The following EXOC4 variants were observed in gnomAD, a reference collection of about 807,000 sequenced individuals.
EXOC4 encodes SEC8-like 1.
A neutral mutation model predicts 107.2 loss-of-function variants in EXOC4; 71 were observed. The observed-to-expected ratio is 0.66, with a 90% CI of 0.55 to 0.81. The LOEUF is 0.81. EXOC4 is among the 30% of genes least tolerant of loss of function. The probability of loss-of-function intolerance (pLI) is 0.00; values close to 1 mark genes in which losing one functional copy is unlikely to be tolerated. For missense variants in EXOC4, 1,108 were observed against 1,189.6 expected (o/e 0.93, Z 1.01); for synonymous variants, 456 against 441.2 (o/e 1.03, Z -0.42).
chr7:133,981,542 C>A (rs1793978547), intron 14 of EXOC4, among the ~76,000 whole-genome samples: 1 of 151,856 alleles, frequency 6.6e-6, no homozygotes, highest in Non-Finnish European at 1.5e-5. Context: ...ATGAAAACCA[C>A]AATGAGATAC....
intron 15 of EXOC4, among the ~76,000 whole-genome samples, chr7:133,999,386 T>C (rs1350046547): frequency 6.6e-6 from 1 of 152,200 alleles, no homozygotes; most frequent in Non-Finnish European, 1.5e-5. Flanking sequence ...TACTTCCTTA[T>C]TGCTTGTGAG....
At chr7:133,446,493 G>A (rs546136574) in intron 7 of EXOC4, among the ~76,000 whole-genome samples, 1 of 152,128 alleles carries the variant, frequency 6.6e-6, no homozygotes, top group South Asian at 2.1e-4. Flanking sequence ...AAACATGCCA[G>A]CTTATAACTT....
At chr7:133,971,936 A>G (rs1801249974) in intron 14 of EXOC4, among the ~76,000 whole-genome samples, 1 of 152,114 alleles carries the variant, frequency 6.6e-6, no homozygotes, top group South Asian at 2.1e-4. Context: ...ATCCCTCCTC[A>G]CTTCTTTGAA....
the EXOC4 span, among the ~76,000 whole-genome samples, chr7:134,084,083 A>G: frequency 6.6e-6 from 1 of 152,182 alleles, no homozygotes; most frequent in African/African-American, 2.4e-5. Context: ...GTGAGATGCT[A>G]AGCTGGCTCT....
intron 11 of EXOC4, among the ~76,000 whole-genome samples, chr7:133,821,533 G>A (rs575162017): frequency 1.4e-3 from 208 of 152,154 alleles, no homozygotes; most frequent in African/African-American, 4.5e-3. Context: ...ATAAAAAATT[G>A]GGCCTCATGT....
chr7:133,659,129 C>T (rs1440791855), intron 10 of EXOC4, among the ~76,000 whole-genome samples: 1 of 146,950 alleles, frequency 6.8e-6, no homozygotes, highest in Non-Finnish European at 1.5e-5. Flanking sequence ...TAGTCATTGA[C>T]CATCCATAGG....
intron 11 of EXOC4, among the ~76,000 whole-genome samples, chr7:133,820,458 G>A (rs957590174): frequency 2.0e-5 from 3 of 151,504 alleles, no homozygotes; most frequent in African/African-American, 7.3e-5. Flanking sequence ...TTTTTTCTAT[G>A]TTTCCTTAAT....
chr7:134,047,436 C>G (rs983588625), intron 17 of EXOC4, among the ~76,000 whole-genome samples: 1 of 152,122 alleles, frequency 6.6e-6, no homozygotes, highest in Non-Finnish European at 1.5e-5. Context: ...TCCTACAATG[C>G]CTGATTTTCT....
chr7:133,365,131 C>G (rs1330159092), intron 6 of EXOC4, among the ~76,000 whole-genome samples: 6 of 152,112 alleles, frequency 3.9e-5, no homozygotes, highest in African/African-American at 1.4e-4. Context: ...AATTAGGTCA[C>G]TTGAGAATCA....
chr7:133,580,550 G>A (rs558783768), intron 9 of EXOC4, among the ~76,000 whole-genome samples: 5 of 152,096 alleles, frequency 3.3e-5, no homozygotes, highest in Admixed American at 6.6e-5. Context: ...CAAAAGTTGC[G>A]TATTGTAGAG....
intron 3 of EXOC4, among the ~76,000 whole-genome samples, chr7:133,294,487 C>T (rs1324696405): frequency 1.3e-5 from 2 of 152,092 alleles, no homozygotes; most frequent in African/African-American, 4.8e-5. Context: ...TCTAAGCCTT[C>T]CTGAGATTGT....
chr7:133,290,207 G>A (rs1378943846), intron 3 of EXOC4, among the ~76,000 whole-genome samples: 1 of 152,140 alleles, frequency 6.6e-6, no homozygotes, highest in Non-Finnish European at 1.5e-5. Context: ...ATTAATAATG[G>A]TTGGCCCTTG....
Position 133,805,371 on chromosome 7 carries a change from A to G in EXOC4, c.1515-11954A>G, listed in dbSNP as rs1299559480. On this transcript the variant is annotated intron_variant, in intron 10 of 17. Transcript: ENST00000253861. Reference sequence around the variant, plus strand: ...AGAAAAGGCATGAACTTAAAAAAATACAGAGAGTACATGGAACTCAAAGTT... The same window carrying G: ...AGAAAAGGCATGAACTTAAAAAAATGCAGAGAGTACATGGAACTCAAAGTT... Among the ~76,000 whole-genome samples, 5 of 152,372 alleles carry G rather than the reference A, an allele frequency of 3.3e-5. No individual in the cohort carries two copies. In the South Asian group the frequency reaches 8.3e-4, roughly 25 times the overall value.
intron 5 of EXOC4, among the ~76,000 whole-genome samples, chr7:133,338,922 T>C (rs772961422): frequency 1.3e-4 from 19 of 151,940 alleles, no homozygotes; most frequent in Non-Finnish European, 2.5e-4. Context: ...CTGGCTAATT[T>C]TGTATTTTTA....
intron 5 of EXOC4, among the ~76,000 whole-genome samples, chr7:133,343,769 C>T (rs933402224): frequency 6.6e-6 from 1 of 151,696 alleles, no homozygotes; most frequent in Admixed American, 6.6e-5. Context: ...TTCCTCAGTG[C>T]TTCCTATGAA....
intron 11 of EXOC4, among the ~76,000 whole-genome samples, chr7:133,849,084 C>A (rs556259593): frequency 1.2e-4 from 19 of 152,116 alleles, no homozygotes; most frequent in Non-Finnish European, 2.2e-4. Flanking sequence ...CAGTAGCACA[C>A]CATTATACAG....
At chr7:133,427,640 A>G (rs995469984) in intron 7 of EXOC4, among the ~76,000 whole-genome samples, 2 of 152,200 alleles carry the variant, frequency 1.3e-5, no homozygotes, top group African/African-American at 2.4e-5. Flanking sequence ...TGGCACAGGA[A>G]GGTTGAGCCA....
At chr7:133,581,053 T>G (rs1801255532) in intron 9 of EXOC4, among the ~76,000 whole-genome samples, 1 of 152,208 alleles carries the variant, frequency 6.6e-6, no homozygotes, top group Non-Finnish European at 1.5e-5. Context: ...CCGTGTTGTA[T>G]AATATATTGC....
chr7:133,799,019 ATC>A (rs1392586437), intron 10 of EXOC4, among the ~76,000 whole-genome samples: 6 of 152,122 alleles, frequency 3.9e-5, no homozygotes, highest in African/African-American at 1.4e-4. Context: ...AATTCAGGTG[ATC>A]TCTGTCATAG....
Sources: allele counts gnomAD v4.1 joint callset (sites outside exome capture counted in the v4.1 genomes callset), GRCh38; gene constraint gnomAD v4.1.1; transcripts MANE v1.5; gene names NCBI Gene and HGNC (gene_info 2026-07-23, HGNC 2026-07-21).